Variants in DOCK2 observed in about 807,000 individuals in gnomAD.
DOCK2 encodes the protein dedicator of cytokinesis protein 2.
In DOCK2, 87 loss-of-function variants were observed where a neutral mutation model predicts 248.9. The ratio of observed to expected loss-of-function variants is 0.35; its 90% CI spans 0.29 to 0.42. DOCK2 has a LOEUF of 0.42. Among genes scored for constraint, DOCK2 ranks in the 10% least tolerant of loss-of-function variants. DOCK2 has a pLI of 1.00. For missense variants in DOCK2, 1,747 were observed against 2,300.2 expected (o/e 0.76, Z 4.92); for synonymous variants, 805 against 821.6 (o/e 0.98, Z 0.35).
intron 27 of DOCK2, among the ~76,000 whole-genome samples, chr5:169,890,818 C>T (rs1397681150): frequency 2.6e-5 from 4 of 152,178 alleles, no homozygotes; most frequent in Non-Finnish European, 5.9e-5. Flanking sequence ...CTGGTATTCA[C>T]ACCCAGGTCT....
chr5:170,076,175 A>G, intron 47 of DOCK2, 91 bp downstream of exon 47: 1 of 1,511,070 alleles, frequency 6.6e-7, no homozygotes. Flanking sequence ...GGGATCCAGC[A>G]AAGGAAGCTG....
At chr5:169,659,564 A>G (rs1758330055) in intron 2 of DOCK2, among the ~76,000 whole-genome samples, 1 of 152,206 alleles carries the variant, frequency 6.6e-6, no homozygotes, top group Admixed American at 6.5e-5. Context: ...GAGGGAAAAC[A>G]GGACCCTAAA....
intron 26 of DOCK2, among the ~76,000 whole-genome samples, chr5:169,820,033 A>G (rs1446986484): frequency 6.6e-6 from 1 of 152,214 alleles, no homozygotes; most frequent in Non-Finnish European, 1.5e-5. Flanking sequence ...CTAGCACAGC[A>G]GTCTGAGATC....
intron 18 of DOCK2, 68 bp from the exon 19 acceptor site, chr5:169,714,292 C>A (rs1761757384): frequency 1.9e-6 from 3 of 1,610,500 alleles, no homozygotes; most frequent in Admixed American, 3.3e-5. Flanking sequence ...GCTTGCAGAC[C>A]CAAGGAGGTC....
At chr5:170,059,561 A>G (rs953489894) in intron 44 of DOCK2, among the ~76,000 whole-genome samples, 1 of 152,180 alleles carries the variant, frequency 6.6e-6, no homozygotes, top group African/African-American at 2.4e-5. Flanking sequence ...TAGCCTACAT[A>G]ATTTTCTTGT....
intron 25 of DOCK2, among the ~76,000 whole-genome samples, chr5:169,765,613 G>A (rs940237248): frequency 3.3e-5 from 5 of 152,194 alleles, no homozygotes; most frequent in African/African-American, 1.2e-4. Flanking sequence ...GGCACCATCT[G>A]GTTCAGTGTA....
chr5:169,699,808 A>T (rs1388877165), intron 12 of DOCK2, among the ~76,000 whole-genome samples: 1 of 152,226 alleles, frequency 6.6e-6, no homozygotes. Context: ...AATTTGCCAG[A>T]GGCTGACACC....
chr5:169,692,224 T>TATATAAAACTA (rs1448676872), intron 9 of DOCK2, among the ~76,000 whole-genome samples: 17 of 152,184 alleles, frequency 1.1e-4, no homozygotes, highest in African/African-American at 4.1e-4. Context: ...ACTACGAGGT[T>TATATAAAACTA]CCCTAAGATT....
At chr5:170,053,555 G>A (rs7700885) in intron 41 of DOCK2, among the ~76,000 whole-genome samples, 57,466 of 152,116 alleles carry the variant, frequency 0.38, 12,076 homozygotes, top group African/African-American at 0.58. Context: ...AGATTTGACC[G>A]CAGGGCCATA....
chr5:170,014,215 T>A (rs541764485), intron 32 of DOCK2, among the ~76,000 whole-genome samples: 16 of 152,164 alleles, frequency 1.1e-4, no homozygotes, highest in South Asian at 6.2e-4. Flanking sequence ...TCCGTCTATT[T>A]GTTTACTCAT....
chr5:169,962,533 T>A (rs1777134077), intron 27 of DOCK2, among the ~76,000 whole-genome samples: 1 of 152,088 alleles, frequency 6.6e-6, no homozygotes, highest in African/African-American at 2.4e-5. Context: ...CACCTGGAGT[T>A]GTCAGACAGG....
chr5:169,730,741 C>T (rs1762725752), intron 22 of DOCK2, among the ~76,000 whole-genome samples: 1 of 152,122 alleles, frequency 6.6e-6, no homozygotes, highest in African/African-American at 2.4e-5. Context: ...CGCTCAACTC[C>T]CTTAAGCATT....
At chr5:169,681,944 T>C (rs747434930) in intron 7 of DOCK2, 65 bp downstream of exon 7, 6 of 1,583,078 alleles carry the variant, frequency 3.8e-6, no homozygotes, top group Non-Finnish European at 5.2e-6. Context: ...AAACTTAAAA[T>C]AATGGGCTAA....
At position 170,025,201 on chromosome 5, in the gene DOCK2, G is replaced by A. The variant is rs376546873; in HGVS notation, c.3382-2662G>A. 2.3e-3 allele frequency among the ~76,000 whole-genome samples: 343 copies of A among 152,326 alleles called. 1 individual carries two copies. The highest frequency in any genetic ancestry group is 7.9e-3 in the African/African-American group (330 of 41,580). The stretch of plus-strand genomic sequence containing the variant: ...GCCCTATAGCTACTCCACACTGTAG[G>A]TACTACTGTTATGCCCATTGTATTG... On this transcript the variant is annotated intron_variant, in intron 33 of 51. Coordinates refer to ENST00000520908, the MANE Select transcript of DOCK2 (RefSeq NM_004946.3).
chr5:169,699,318 TG>T, intron 11 of DOCK2, 63 bp from the exon 12 acceptor site: 1 of 1,539,110 alleles, frequency 6.5e-7, no homozygotes, highest in South Asian at 1.2e-5. Context: ...GGGAGATTCA[TG>T]GGACCCCTTG....
At chr5:169,977,185 A>C (rs185922799) in intron 27 of DOCK2, among the ~76,000 whole-genome samples, 354 of 152,346 alleles carry the variant, frequency 2.3e-3, no homozygotes, top group Admixed American at 3.7e-3. Flanking sequence ...CTGTCCCAGC[A>C]TGCTCTGTTC....
chr5:169,741,131 C>A (rs986204426), intron 22 of DOCK2, among the ~76,000 whole-genome samples: 3 of 152,154 alleles, frequency 2.0e-5, no homozygotes, highest in African/African-American at 7.2e-5. Flanking sequence ...AGCCATCTGA[C>A]CATTGCTGAG....
rs550062699 is a variant in DOCK2 at position 169,742,878 on chromosome 5, C to T, written c.2268-4518C>T. On this transcript the variant is annotated intron_variant, in intron 22 of 51. Coordinates refer to ENST00000520908, the MANE Select transcript of DOCK2 (RefSeq NM_004946.3). ...TGGGAGCCGGAGTGCTGGCTGTGGT[C>T]GACTTGCATGCCCCAGAACAGTGCC... 3.3e-5 allele frequency among the ~76,000 whole-genome samples: 5 copies of T among 152,324 alleles called. No individual in the cohort carries two copies. In the East Asian group the frequency reaches 7.7e-4, roughly 23 times the overall value.
chr5:169,947,748 CCT>C (rs373636719), intron 27 of DOCK2, among the ~76,000 whole-genome samples: 1 of 152,304 alleles, frequency 6.6e-6, no homozygotes, highest in East Asian at 1.9e-4. Context: ...CTTCAAATTA[CCT>C]GTTACCTAGA....
Sources: allele counts gnomAD v4.1 joint callset (sites outside exome capture counted in the v4.1 genomes callset), GRCh38; gene constraint gnomAD v4.1.1; transcripts MANE v1.5; gene names NCBI Gene and HGNC (gene_info 2026-07-23, HGNC 2026-07-21).